TYW1: variants seen among roughly 807,000 people sequenced by gnomAD.
The protein encoded by TYW1 is tRNA-yW synthesizing protein 1 homolog, also known as S-adenosyl-L-methionine-dependent tRNA 4-demethylwyosine synthase TYW1.
A neutral mutation model predicts 96.2 loss-of-function variants in TYW1; 46 were observed. That is an observed-to-expected ratio of 0.48 (90% CI 0.38 to 0.61). TYW1 has a LOEUF of 0.61. Among genes scored for constraint, TYW1 ranks in the 20% least tolerant of loss-of-function variants. The pLI is 0.00. For synonymous variants in TYW1, 274 were observed against 323.0 expected (o/e 0.85, Z 1.63); for missense variants, 684 against 909.6 (o/e 0.75, Z 3.19).
At chr7:67,095,320 C>T (rs892769764) in intron 11 of TYW1, among the ~76,000 whole-genome samples, 1 of 151,946 alleles carries the variant, frequency 6.6e-6, no homozygotes, top group Non-Finnish European at 1.5e-5. Flanking sequence ...TTTTTACAAG[C>T]AACTGTGGTT....
intron 10 of TYW1, among the ~76,000 whole-genome samples, chr7:67,081,600 T>A (rs1256345636): frequency 6.6e-6 from 1 of 151,954 alleles, no homozygotes; most frequent in Admixed American, 6.6e-5. Flanking sequence ...CATTTGTTCA[T>A]GTAATGGTGT....
intron 13 of TYW1, among the ~76,000 whole-genome samples, chr7:67,135,563 A>G (rs1162168171): frequency 6.6e-6 from 1 of 151,508 alleles, no homozygotes; most frequent in Non-Finnish European, 1.5e-5. Context: ...TCGGCCTCCC[A>G]AAGTGCTGAG....
chr7:67,141,574 A>ATGG (rs1798449736), intron 13 of TYW1, among the ~76,000 whole-genome samples: 2 of 152,294 alleles, frequency 1.3e-5, no homozygotes, highest in South Asian at 4.1e-4. Context: ...CTGGAAGCCC[A>ATGG]TGGGGGTCTT....
chr7:67,132,852 G>A (rs1418320858), intron 13 of TYW1, among the ~76,000 whole-genome samples: 2 of 152,122 alleles, frequency 1.3e-5, no homozygotes, highest in African/African-American at 4.8e-5. Flanking sequence ...ATTCCCCGAT[G>A]TAGGAGAAAT....
chr7:66,999,840 T>C (rs1793319265), intron 3 of TYW1, among the ~76,000 whole-genome samples: 1 of 152,182 alleles, frequency 6.6e-6, no homozygotes, highest in Non-Finnish European at 1.5e-5. Context: ...ATCTGTGAAA[T>C]GGTAAATTGC....
chr7:67,028,697 G>T (rs1207705436), intron 7 of TYW1, among the ~76,000 whole-genome samples: 1 of 152,160 alleles, frequency 6.6e-6, no homozygotes, highest in Non-Finnish European at 1.5e-5. Context: ...GGATGGTCTA[G>T]CCTGTATGGA....
At chr7:67,159,000 G>GT (rs1799073233) in intron 13 of TYW1, among the ~76,000 whole-genome samples, 1 of 151,940 alleles carries the variant, frequency 6.6e-6, no homozygotes, top group Non-Finnish European at 1.5e-5. Flanking sequence ...TTCTCTTTTG[G>GT]TTTTCTCTTA....
intron 13 of TYW1, among the ~76,000 whole-genome samples, chr7:67,138,937 T>C (rs34916156): frequency 0.25 from 38,095 of 149,876 alleles, 5,308 homozygotes; most frequent in African/African-American, 0.37. Flanking sequence ...GCAATAAACA[T>C]GGGAATGCAG....
chr7:67,186,166 G>C (rs1255226291), intron 14 of TYW1, among the ~76,000 whole-genome samples: 5 of 144,714 alleles, frequency 3.5e-5, no homozygotes, highest in African/African-American at 1.3e-4. Flanking sequence ...TTATGATTTA[G>C]CTATTAAAGA....
At chr7:67,062,516 ACCCAGATG>A (rs2115639837) in intron 9 of TYW1, among the ~76,000 whole-genome samples, 2 of 146,058 alleles carry the variant, frequency 1.4e-5, no homozygotes, top group East Asian at 2.0e-4. Context: ...ATCTGCAGTC[ACCCAGATG>A]TCACCCAGAT....
At chr7:67,213,377 A>G (rs1481565984) in intron 15 of TYW1, among the ~76,000 whole-genome samples, 1 of 152,086 alleles carries the variant, frequency 6.6e-6, no homozygotes, top group Non-Finnish European at 1.5e-5. Flanking sequence ...CTAGGCTGGT[A>G]GTTGGTTATT....
rs200362190 is a variant in TYW1 at position 67,179,865 on chromosome 7, A to ATTT, written c.1699-3251_1699-3249dup. Among the ~76,000 whole-genome samples the ATTT allele has an allele frequency of 1.6e-4, 14 of 87,180 alleles. 1 individual carries two copies. Among genetic ancestry groups the ATTT allele is most frequent in the South Asian group, 7.9e-4 (2 of 2,546 alleles). The allele number at this position is 87,180 out of a possible 152,430, so 57.2% of individuals were successfully genotyped here. ...ATTAGGAATATATATATATATATAT[A>ATTT]TTTTTTTTTTTTGGCGGGGGACAGG... is the stretch of plus-strand genomic sequence containing the variant. On this transcript the variant is annotated intron_variant, in intron 13 of 15. Coordinates refer to ENST00000359626, the MANE Select transcript of TYW1 (RefSeq NM_018264.4).
intron 10 of TYW1, among the ~76,000 whole-genome samples, chr7:67,082,671 A>G (rs912752799): frequency 2.6e-5 from 4 of 151,074 alleles, no homozygotes; most frequent in Non-Finnish European, 5.9e-5. Context: ...AGTGGTGGAC[A>G]CTGGGGAGCT....
chr7:67,083,445 C>T lies in TYW1; in HGVS notation c.1290C>T (p.Pro430=), dbSNP rs573837011. 1.9e-4 allele frequency: 314 copies of T among 1,611,236 alleles called. No individual in the cohort carries two copies. Among genetic ancestry groups the T allele is most frequent in the Non-Finnish European group, 2.4e-4 (282 of 1,178,026 alleles). The change falls in exon 11 of 16, where the codon CCC becomes CCT. Residue 430 remains proline (P), a synonymous_variant. Coordinates refer to ENST00000359626, the MANE Select transcript of TYW1 (RefSeq NM_018264.4). Reference sequence around the variant, plus strand: ...TTGTTCCTAGGCACCACACCAACCCCGTGGGCACTGAGTGGCGGTGGAAGA... The same window carrying T: ...TTGTTCCTAGGCACCACACCAACCCTGTGGGCACTGAGTGGCGGTGGAAGA... The part of the protein sequence containing the change: ...CVFCWRHHTN[P]VGTEWRWKMD...
At chr7:67,164,674 G>A (rs1166775099) in intron 13 of TYW1, among the ~76,000 whole-genome samples, 1 of 139,408 alleles carries the variant, frequency 7.2e-6, no homozygotes, top group East Asian at 1.9e-4. Context: ...TTCTCAATGG[G>A]AACGAGGTAC....
intron 13 of TYW1, among the ~76,000 whole-genome samples, chr7:67,131,644 G>A (rs976771766): frequency 6.6e-6 from 1 of 152,152 alleles, no homozygotes; most frequent in Non-Finnish European, 1.5e-5. Flanking sequence ...ATGAAGGGGA[G>A]TTTATTGGAG....
chr7:67,157,216 A>T (rs1799008185), intron 13 of TYW1, among the ~76,000 whole-genome samples: 1 of 152,174 alleles, frequency 6.6e-6, no homozygotes, highest in South Asian at 2.1e-4. Context: ...TTCCCAGCAC[A>T]CACCGTTTCT....
chr7:67,016,446 C>G (rs576787855), intron 5 of TYW1, among the ~76,000 whole-genome samples: 23 of 151,898 alleles, frequency 1.5e-4, no homozygotes, highest in African/African-American at 5.5e-4. Flanking sequence ...ACTTGGGAGG[C>G]TGAGGCAGGA....
intron 15 of TYW1, among the ~76,000 whole-genome samples, chr7:67,227,136 A>G (rs1801586109): frequency 6.6e-6 from 1 of 152,102 alleles, no homozygotes; most frequent in Non-Finnish European, 1.5e-5. Flanking sequence ...ATTTTACCCA[A>G]ACAAAGGGCT....
Sources: gnomAD v4.1 joint callset for allele counts (sites outside exome capture counted in the v4.1 genomes callset) on GRCh38, gnomAD v4.1.1 for gene constraint, MANE v1.5 for transcripts, NCBI Gene and HGNC (gene_info 2026-07-23, HGNC 2026-07-21) for gene names.